The following SIN3B variants were observed in gnomAD, a reference collection of about 807,000 sequenced individuals.
SIN3B encodes the protein paired amphipathic helix protein Sin3b.
Under a neutral mutation model 120.2 loss-of-function variants are expected in SIN3B, and 19 were observed. The observed-to-expected ratio is 0.16, with a 90% CI of 0.11 to 0.23. SIN3B has a LOEUF of 0.23. Ranked by LOEUF, SIN3B falls within the 10% of genes least tolerant of loss-of-function variation. The pLI is 1.00. For missense variants in SIN3B, 1,073 were observed against 1,573.0 expected (o/e 0.68, Z 5.38); for synonymous variants, 654 against 653.2 (o/e 1.00, Z -0.02).
rs530656801 is a variant in SIN3B, at chr19:16,842,067, G to A, written c.582+99G>A. 4 of 1,061,406 alleles carry A rather than the reference G, an allele frequency of 3.8e-6. No homozygotes were observed. In the South Asian group the frequency reaches 4.4e-5, roughly 12 times the overall value. The allele number at this position is 1,061,406 out of a possible 1,614,324, so 65.7% of individuals were successfully genotyped here. On this transcript the variant is annotated intron_variant, in intron 4 of 18. Coordinates refer to ENST00000248054, the MANE Select transcript of SIN3B (RefSeq NM_001297595.2). ...TTCTTGTCGGAATTCATAAAATCCT[G>A]TAAAATTCTAATTAGTTGTGGGGTT...
At chr19:16,867,800 G>T (rs575410262) in intron 12 of SIN3B, among the ~76,000 whole-genome samples, 76 of 152,102 alleles carry the variant, frequency 5.0e-4, no homozygotes, top group African/African-American at 1.8e-3. Context: ...CTCCCTTCCC[G>T]TGGGCCACCC....
Position 16,876,110 on chromosome 19 carries a change from A to G in SIN3B, c.2648A>G (p.Asn883Ser). ...VCLKVVELYL[N>S]EKKRGAAGGN... ...CTGAAGGTGGTGGAGCTCTACCTGA[A>G]CGAGAAGAAGCGGGGTGCCGCTGGT... The change falls in exon 15 of 19, where the codon AAC (asparagine) becomes AGC (serine). Residue 883 changes from asparagine to serine, a missense_variant. This residue lies in a region of SIN3B where 311 missense variants were observed against 400.3 expected (regional missense o/e 0.78). Coordinates refer to ENST00000248054, the MANE Select transcript of SIN3B (RefSeq NM_001297595.2). The surrounding 1 kb of genome is among the most constrained non-coding windows in gnomAD (Gnocchi z 7.1). 6.3e-7 allele frequency: 1 copy of G among 1,599,478 alleles called. No individual in the cohort carries two copies. The highest frequency in any genetic ancestry group is 1.1e-5 in the South Asian group (1 of 88,546).
In SIN3B at chr19:16,878,767, C is replaced by G. The variant is rs781129326; in HGVS notation, c.*40C>G. ...CACCGGGCAGGCGCCTCACAGAGCACAGACGTGCCCTCGGCCTTGGTCGTG... is the reference window on the plus strand; with the variant it reads ...CACCGGGCAGGCGCCTCACAGAGCAGAGACGTGCCCTCGGCCTTGGTCGTG... On this transcript the variant is annotated 3_prime_UTR_variant, in exon 19 of 19. Transcript: ENST00000248054. The G allele has an allele frequency of 2.0e-6, 3 of 1,520,770 alleles. No individual in the cohort carries two copies. The highest frequency in any genetic ancestry group is 2.7e-6 in the Non-Finnish European group (3 of 1,128,486). The allele number at this position is 1,520,770 out of a possible 1,614,324, so 94.2% of individuals were successfully genotyped here.
rs779094465 is a variant in SIN3B, at chr19:16,853,105, A to T, written c.886A>T (p.Ile296Phe). 1 of 1,614,228 alleles carries T rather than the reference A, an allele frequency of 6.2e-7. No homozygotes were observed. Among genetic ancestry groups the T allele is most frequent in the Admixed American group, 1.7e-5 (1 of 60,030 alleles). Residue 296 changes from isoleucine (I) to phenylalanine (F), a missense_variant, in exon 7 of 19, where the codon ATC (isoleucine) becomes TTC (phenylalanine). Ile to Phe is a conservative substitution (Grantham distance 21). Transcript: ENST00000248054. ...ACTTCGTGGTACCAAAGACCTGTCCATCGCTGCAGTGGGGAAGTACGGGAC... is the reference window on the plus strand; with the variant it reads ...ACTTCGTGGTACCAAAGACCTGTCCTTCGCTGCAGTGGGGAAGTACGGGAC... ...MKLRGTKDLS[I>F]AAVGKYGTLQ...
At chr19:16,854,442 G>A in intron 8 of SIN3B, 181 bp downstream of exon 8, 1 of 557,290 alleles carries the variant, frequency 1.8e-6, no homozygotes, top group South Asian at 2.2e-5. Flanking sequence ...ACACCACCTG[G>A]GTACCCTCCA....
intron 5 of SIN3B, 57 bp downstream of exon 5, chr19:16,847,170 C>T (rs1971489801): frequency 6.4e-7 from 1 of 1,567,280 alleles, no homozygotes; most frequent in African/African-American, 1.3e-5. Flanking sequence ...CGGAGGGCCC[C>T]AGCCAGCTTG....
chr19:16,846,906 T>A (rs534288293), intron 4 of SIN3B, 64 bp from the exon 5 acceptor site: 131 of 1,549,748 alleles, frequency 8.5e-5, no homozygotes, highest in Admixed American at 6.1e-4. Flanking sequence ...TGCCTGAGTG[T>A]CCCGGCCCAG....
chr19:16,863,044 C>A, intron 9 of SIN3B: 1 of 1,177,938 alleles, frequency 8.5e-7, no homozygotes, highest in Non-Finnish European at 1.3e-6. Context: ...GTTTTACTGT[C>A]ACACAGACAC....
intron 3 of SIN3B, among the ~76,000 whole-genome samples, chr19:16,840,362 C>A (rs3848658): frequency 0.43 from 65,415 of 151,970 alleles, 14,295 homozygotes; most frequent in Non-Finnish European, 0.46. Flanking sequence ...CATGAGGACA[C>A]AGACAGTGGC....
intron 8 of SIN3B, chr19:16,854,927 T>C (rs565132090): frequency 2.0e-5 from 3 of 152,260 alleles, no homozygotes; most frequent in African/African-American, 4.8e-5. Flanking sequence ...TTTAGAAATT[T>C]GGTGATTGTT....
rs1172336341 is a variant in SIN3B, at chr19:16,867,035, G to A, written c.1806+479G>A. Among the ~76,000 whole-genome samples the A allele has an allele frequency of 9.2e-5, 14 of 152,126 alleles. No individual in the cohort carries two copies. The South Asian group carries it at 1.2e-3, about 13-fold the overall frequency. Reference sequence around the variant, plus strand: ...CTCCCAAAGTGCTGGGATTACATGCGTAAGCCACCGCTCCTGGCCGACTCT... The same window carrying A: ...CTCCCAAAGTGCTGGGATTACATGCATAAGCCACCGCTCCTGGCCGACTCT... On this transcript the variant is annotated intron_variant, in intron 12 of 18. Coordinates refer to ENST00000248054, the MANE Select transcript of SIN3B (RefSeq NM_001297595.2).
Position 16,861,913 on chromosome 19 carries a change from C to A in SIN3B, c.1059-439C>A, listed in dbSNP as rs1269844800. ...TCATGCCACTGCCCTTGAGCCTGGG[C>A]AACAGAGTAAGACACTATCTCTAAA... On this transcript the variant is annotated intron_variant, in intron 8 of 18. Transcript: ENST00000248054. Among the ~76,000 whole-genome samples, 2 of 152,132 alleles carry A rather than the reference C, an allele frequency of 1.3e-5. 1 individual carries two copies. The highest frequency in any genetic ancestry group is 4.8e-5 in the African/African-American group (2 of 41,438).
chr19:16,854,929 G>A (rs1200900314), intron 8 of SIN3B: 1 of 152,148 alleles, frequency 6.6e-6, no homozygotes, highest in Non-Finnish European at 1.5e-5. Context: ...TAGAAATTTG[G>A]TGATTGTTTT....
At chr19:16,832,801 G>A (rs1446174295) in intron 3 of SIN3B, among the ~76,000 whole-genome samples, 1 of 151,978 alleles carries the variant, frequency 6.6e-6, no homozygotes, top group Non-Finnish European at 1.5e-5. Context: ...ACTGTGCCTG[G>A]CTCACTGCCC....
rs758040005 is a variant in SIN3B at position 16,869,813 on chromosome 19, G to A, written c.2160G>A (p.Pro720=). Residue 720 remains proline, a synonymous_variant, in exon 13 of 19, where the codon CCG becomes CCA. Transcript: ENST00000248054. ...AGAAGGGGGCCTTCGGGGATGCCCC[G>A]GCCACTGAGCAGCCACCCCTGCCGC... ...PEEKGAFGDA[P]ATEQPPLPPP... 6.2e-6 allele frequency: 10 copies of A among 1,613,608 alleles called. No homozygotes were observed. The Admixed American group carries it at 6.7e-5, about 11-fold the overall frequency.
chr19:16,871,400 TGAGCC>T lies in SIN3B; in HGVS notation c.2592+4_2592+8del. The T allele has an allele frequency of 1.3e-6, 2 of 1,598,256 alleles. No homozygotes were observed. Among genetic ancestry groups the T allele is most frequent in the Non-Finnish European group, 1.7e-6 (2 of 1,171,084 alleles). On this transcript the variant is annotated splice_donor_5th_base_variant and intron_variant, in intron 14 of 18. Transcript: ENST00000248054. ...CTGGTGCAGAACATTGCGCGGCAGG[TGAGCC>T]GGGCCGGGGTGGGGCCGGCCCTGAG...
intron 8 of SIN3B, among the ~76,000 whole-genome samples, chr19:16,861,404 A>T (rs924508825): frequency 6.6e-6 from 1 of 152,186 alleles, no homozygotes; most frequent in African/African-American, 2.4e-5. Context: ...AGGTGAAAGG[A>T]TCACTTGAGG....
chr19:16,864,258 C>T (rs1794690836), intron 10 of SIN3B, among the ~76,000 whole-genome samples: 3 of 152,284 alleles, frequency 2.0e-5, no homozygotes, highest in Admixed American at 6.5e-5. Flanking sequence ...CACACCACTG[C>T]ACTCCACCCT....
Position 16,869,685 on chromosome 19 carries a change from G to A in SIN3B, c.2032G>A (p.Glu678Lys), listed in dbSNP as rs1297278286. 10 of 1,613,548 alleles carry A rather than the reference G, an allele frequency of 6.2e-6. No homozygotes were observed. Among genetic ancestry groups the A allele is most frequent in the South Asian group, 2.2e-5 (2 of 91,088 alleles). Residue 678 changes from glutamate (E) to lysine (K), a missense_variant, in exon 13 of 19, where the codon GAG (glutamate) becomes AAG (lysine). Transcript: ENST00000248054. The stretch of plus-strand genomic sequence containing the variant: ...TCAGCAGCTGGACCTGGGCGCCTCC[G>A]AGGAGTCAGCTGATGAGGACCGGGA... ...FSQQLDLGAS[E>K]ESADEDRDSP...
Sources: allele counts gnomAD v4.1 joint callset (sites outside exome capture counted in the v4.1 genomes callset), GRCh38; gene constraint gnomAD v4.1.1; regional missense constraint gnomAD v4.1.1; non-coding constraint Gnocchi (gnomAD v3.1); transcripts MANE v1.5; gene names NCBI Gene and HGNC (gene_info 2026-07-23, HGNC 2026-07-21).